SNRPN: variants seen among roughly 807,000 people sequenced by gnomAD.
The protein encoded by SNRPN is small nuclear ribonucleoprotein-associated protein N.
A neutral mutation model predicts 25.2 loss-of-function variants in SNRPN; 7 were observed. The observed-to-expected ratio is 0.28, with a 90% CI of 0.16 to 0.52. The LOEUF (loss-of-function observed/expected upper bound fraction) is 0.52. Ranked by LOEUF, SNRPN falls within the 20% of genes least tolerant of loss-of-function variation. The pLI is 0.96. For missense variants in SNRPN, 196 were observed against 322.5 expected (o/e 0.61, Z 3.00); for synonymous variants, 124 against 110.6 (o/e 1.12, Z -0.76).
chr15:24,828,347 G>T (rs761143185), intron 1 of SNRPN, among the ~76,000 whole-genome samples: 1 of 152,084 alleles, frequency 6.6e-6, no homozygotes, highest in Non-Finnish European at 1.5e-5. Context: ...CTTACCTGAA[G>T]GTGACAACAG....
intron 1 of SNRPN, among the ~76,000 whole-genome samples, chr15:24,878,863 ATATT>A: frequency 6.6e-6 from 1 of 152,116 alleles, no homozygotes; most frequent in African/African-American, 2.4e-5. Context: ...GATTCTTTAT[ATATT>A]CTTTATTGTT....
At chr15:24,833,802 T>C (rs1344477824) in intron 2 of SNRPN, among the ~76,000 whole-genome samples, 2 of 152,082 alleles carry the variant, frequency 1.3e-5, no homozygotes, top group African/African-American at 4.8e-5. Flanking sequence ...AGATAATCTC[T>C]TGGAGCTGAC....
At chr15:24,905,254 T>C (rs959716942) in intron 2 of SNRPN, among the ~76,000 whole-genome samples, 37 of 152,200 alleles carry the variant, frequency 2.4e-4, no homozygotes, top group African/African-American at 8.7e-4. Context: ...CTCAGACCTG[T>C]AAACCCAGCA....
At chr15:24,948,704 G>C (rs2153180658) in intron 3 of SNRPN, among the ~76,000 whole-genome samples, 1 of 152,056 alleles carries the variant, frequency 6.6e-6, no homozygotes, top group East Asian at 1.9e-4. Flanking sequence ...GACAGTTTTG[G>C]GGATTACTGG....
intron 1 of SNRPN, among the ~76,000 whole-genome samples, chr15:24,886,100 C>T (rs2057183735): frequency 6.6e-6 from 1 of 152,132 alleles, no homozygotes; most frequent in African/African-American, 2.4e-5. Flanking sequence ...CATGCACTTT[C>T]TTGTAAAATG....
intron 3 of SNRPN, among the ~76,000 whole-genome samples, chr15:24,933,751 G>A (rs2061041042): frequency 6.6e-6 from 1 of 152,328 alleles, no homozygotes; most frequent in South Asian, 2.1e-4. Flanking sequence ...GGGTCTACCA[G>A]GTGGGCAGGC....
intron 3 of SNRPN, among the ~76,000 whole-genome samples, chr15:24,973,437 G>T (rs2076687732): frequency 6.6e-6 from 1 of 151,872 alleles, no homozygotes; most frequent in South Asian, 2.1e-4. Context: ...CCTCCTTGTT[G>T]CCCAGGCTGG....
intron 1 of SNRPN, among the ~76,000 whole-genome samples, chr15:24,872,891 AAAAAAT>A (rs2055340550): frequency 9.6e-6 from 1 of 104,578 alleles, no homozygotes; most frequent in Non-Finnish European, 2.1e-5. Context: ...AAAAAAAAAA[AAAAAAT>A]AGTTTTCCTC....
In SNRPN at chr15:24,978,393, T is replaced by G; in HGVS notation, c.686-14T>G. On this transcript the variant is annotated splice_polypyrimidine_tract_variant and intron_variant, in intron 9 of 9. Coordinates refer to ENST00000390687, the MANE Select transcript of SNRPN (RefSeq NM_003097.6). ...TGTATCCTCTTTTTCTCAATGTTTCTATTTCCTTTCCAGGTCCACCTCCCC... is the reference window on the plus strand; with the variant it reads ...TGTATCCTCTTTTTCTCAATGTTTCGATTTCCTTTCCAGGTCCACCTCCCC... 1 of 1,614,140 alleles carries G rather than the reference T, an allele frequency of 6.2e-7. No individual in the cohort carries two copies. The highest frequency in any genetic ancestry group is 8.5e-7 in the Non-Finnish European group (1 of 1,179,976).
intron 3 of SNRPN, among the ~76,000 whole-genome samples, chr15:24,937,664 G>A (rs936765269): frequency 1.3e-4 from 20 of 152,118 alleles, no homozygotes; most frequent in Admixed American, 6.6e-4. Flanking sequence ...CGTTTCAGGG[G>A]CACTAAGTGC....
chr15:24,952,438 C>A (rs897806499), upstream of SNRPN, among the ~76,000 whole-genome samples: 1 of 152,150 alleles, frequency 6.6e-6, no homozygotes, highest in African/African-American at 2.4e-5. Flanking sequence ...AGTTTAGTGG[C>A]AATGTCTCCT....
intron 6 of SNRPN, 123 bp from the exon 7 acceptor site, chr15:24,976,754 G>T: frequency 1.2e-6 from 1 of 846,156 alleles, no homozygotes; most frequent in South Asian, 1.6e-5. Context: ...TGTTCATTTG[G>T]ACACAGAACT....
chr15:24,854,148 G>A (rs553203851), upstream of SNRPN, among the ~76,000 whole-genome samples: 51 of 151,806 alleles, frequency 3.4e-4, no homozygotes, highest in Non-Finnish European at 6.2e-4. Flanking sequence ...TATCATTTTC[G>A]TATACACACT....
At chr15:24,844,229 G>A (rs996999020) in intron 2 of SNRPN, among the ~76,000 whole-genome samples, 1 of 151,936 alleles carries the variant, frequency 6.6e-6, no homozygotes, top group Admixed American at 6.6e-5. Flanking sequence ...GGGACATAGT[G>A]GCACCTTACT....
Position 24,977,005 on chromosome 15 carries a change from A to G in SNRPN, c.396A>G (p.Arg132=). 6.3e-7 allele frequency: 1 copy of G among 1,592,450 alleles called. No homozygotes were observed. Among genetic ancestry groups the G allele is most frequent in the Non-Finnish European group, 8.5e-7 (1 of 1,170,242 alleles). ...CTGCTGGATTGGCAGGCCCTGTCCG[A>G]GGAGTTGGGGGACCATCCCAGCAGG... is the stretch of plus-strand genomic sequence containing the variant. ...QAPAGLAGPV[R]GVGGPSQQVM... Residue 132 remains arginine (R), a synonymous_variant, in exon 7 of 10, where the codon CGA becomes CGG. Transcript: ENST00000390687.
At chr15:24,910,623 C>A (rs535152182) in intron 2 of SNRPN, among the ~76,000 whole-genome samples, 1 of 152,086 alleles carries the variant, frequency 6.6e-6, no homozygotes, top group South Asian at 2.1e-4. Flanking sequence ...GCCTCCTGAG[C>A]AGCTGGGATT....
At position 24,977,645 on chromosome 15, in the gene SNRPN, A is replaced by C. The variant is rs549915278; in HGVS notation, c.421-133A>C. On this transcript the variant is annotated intron_variant, in intron 7 of 9. Coordinates refer to ENST00000390687, the MANE Select transcript of SNRPN (RefSeq NM_003097.6). Reference sequence around the variant, plus strand: ...AAGAGTGAAACTGTCTCAAAAAAAAACATGGGAATAATGAGAGAAGTACAT... The same window carrying C: ...AAGAGTGAAACTGTCTCAAAAAAAACCATGGGAATAATGAGAGAAGTACAT... 143 of 892,362 alleles carry C rather than the reference A, an allele frequency of 1.6e-4. No homozygotes were observed. The African/African-American group carries it at 1.9e-3, about 12-fold the overall frequency. 55.3% of individuals were successfully genotyped at this position (892,362 alleles called of 1,614,324 possible).
intron 2 of SNRPN, among the ~76,000 whole-genome samples, chr15:24,963,896 G>T (rs1440305657): frequency 6.6e-6 from 1 of 152,006 alleles, no homozygotes; most frequent in Non-Finnish European, 1.5e-5. Context: ...GCCAGGCGTG[G>T]TGTTGTCTAC....
chr15:24,834,726 TCC>T lies in SNRPN; in HGVS notation c.-579+4823_-579+4824del, dbSNP rs1491221530. ...CTGAGTGAGACCTTGTCTCTCTCTC[TCC>T]CTCTCTCTCTCTCTCTCTCTCTCTA... On this transcript the variant is annotated intron_variant, in intron 2 of 12. Transcript: ENST00000400100. Among the ~76,000 whole-genome samples, 134 of 67,042 alleles carry T rather than the reference TCC, an allele frequency of 2.0e-3. 3 individuals are homozygous for T. Among genetic ancestry groups the T allele is most frequent in the East Asian group, 4.8e-3 (11 of 2,300 alleles). The allele number at this position is 67,042 out of a possible 152,430, so 44.0% of individuals were successfully genotyped here. A position where few individuals can be genotyped will look rare whatever the true frequency, so the allele number is the denominator to read the frequency against.
Sources: gnomAD v4.1 joint callset for allele counts (sites outside exome capture counted in the v4.1 genomes callset) on GRCh38, gnomAD v4.1.1 for gene constraint, MANE v1.5 for transcripts, NCBI Gene and HGNC (gene_info 2026-07-23, HGNC 2026-07-21) for gene names.